Variants in ADCK1 observed in about 807,000 individuals in gnomAD.
ADCK1 encodes the protein aarF domain-containing protein kinase 1.
ADCK1 carries 41 observed loss-of-function variants against 52.3 expected under a neutral mutation model. The observed-to-expected ratio is 0.78, with a 90% CI of 0.61 to 1.02. The LOEUF (loss-of-function observed/expected upper bound fraction) is 1.02. Ranked by LOEUF, ADCK1 falls within the 50% of genes least tolerant of loss-of-function variation. The pLI is 0.00. For missense variants in ADCK1, 658 were observed against 679.5 expected (o/e 0.97, Z 0.35); for synonymous variants, 250 against 274.6 (o/e 0.91, Z 0.89).
intron 8 of ADCK1, among the ~76,000 whole-genome samples, chr14:77,924,893 C>T (rs988351668): frequency 6.6e-6 from 1 of 152,214 alleles, no homozygotes; most frequent in Non-Finnish European, 1.5e-5. Flanking sequence ...AGCCCCAGGC[C>T]AGCAAGGATC....
chr14:77,817,933 T>TTTC (rs1311165775), intron 1 of ADCK1, among the ~76,000 whole-genome samples: 28 of 150,050 alleles, frequency 1.9e-4, no homozygotes, highest in Admixed American at 1.9e-3. Context: ...AGAGACGGGG[T>TTTC]TTCATCGTGT....
chr14:77,815,399 G>T (rs978091389), intron 1 of ADCK1, among the ~76,000 whole-genome samples: 1 of 151,488 alleles, frequency 6.6e-6, no homozygotes, highest in African/African-American at 2.4e-5. Flanking sequence ...TAGAGATGGG[G>T]TCTCCCTTTT....
intron 1 of ADCK1, among the ~76,000 whole-genome samples, chr14:77,800,986 T>G (rs911841979): frequency 2.0e-5 from 3 of 152,180 alleles, no homozygotes; most frequent in African/African-American, 7.2e-5. Flanking sequence ...TCCCAGCACT[T>G]TGGGAGGCCA....
chr14:77,880,220 T>C (rs1163095887), intron 4 of ADCK1, among the ~76,000 whole-genome samples: 1 of 152,246 alleles, frequency 6.6e-6, no homozygotes, highest in Non-Finnish European at 1.5e-5. Flanking sequence ...GTCTGACCTG[T>C]GATGCCCTTG....
intron 3 of ADCK1, among the ~76,000 whole-genome samples, chr14:77,843,131 A>C (rs1016223089): frequency 1.3e-5 from 2 of 151,958 alleles, no homozygotes; most frequent in African/African-American, 4.8e-5. Context: ...GCTTCAAGTG[A>C]TTCTCCCATC....
At chr14:77,889,926 A>T (rs2083248429) in intron 5 of ADCK1, among the ~76,000 whole-genome samples, 1 of 151,180 alleles carries the variant, frequency 6.6e-6, no homozygotes, top group Non-Finnish European at 1.5e-5. Context: ...GAAAGAAGGC[A>T]AGGAAAAAAA....
chr14:77,834,467 G>A (rs529111895), intron 3 of ADCK1, among the ~76,000 whole-genome samples: 29 of 152,188 alleles, frequency 1.9e-4, no homozygotes, highest in Admixed American at 1.3e-4. Context: ...CTCTCTTTCC[G>A]GCTCTTCTCT....
At chr14:77,885,195 C>A (rs1005993048) in intron 4 of ADCK1, among the ~76,000 whole-genome samples, 8 of 152,122 alleles carry the variant, frequency 5.3e-5, no homozygotes, top group African/African-American at 1.9e-4. Flanking sequence ...AAACCCAGGC[C>A]CAAGATAAAG....
intron 3 of ADCK1, among the ~76,000 whole-genome samples, chr14:77,849,671 C>A (rs369823607): frequency 2.0e-5 from 3 of 151,918 alleles, no homozygotes; most frequent in African/African-American, 7.3e-5. Flanking sequence ...AGGCTGCTCT[C>A]GAACTCCTGG....
chr14:77,904,674 C>T (rs576726458), intron 6 of ADCK1, among the ~76,000 whole-genome samples: 20 of 152,266 alleles, frequency 1.3e-4, no homozygotes, highest in East Asian at 1.2e-3. Flanking sequence ...GATTGGCATC[C>T]GTGTGGGAGG....
chr14:77,898,340 G>A (rs977947866), intron 5 of ADCK1, among the ~76,000 whole-genome samples: 1 of 152,152 alleles, frequency 6.6e-6, no homozygotes, highest in Admixed American at 6.5e-5. Flanking sequence ...TTAGTAGTAA[G>A]TAAAGTGCTT....
At chr14:77,859,615 C>T (rs561597664) in intron 4 of ADCK1, among the ~76,000 whole-genome samples, 2 of 152,270 alleles carry the variant, frequency 1.3e-5, no homozygotes, top group South Asian at 4.1e-4. Flanking sequence ...TTTGAAGCCC[C>T]ATCCCATCTG....
At chr14:77,862,447 G>A (rs1353386551) in intron 4 of ADCK1, among the ~76,000 whole-genome samples, 1 of 152,174 alleles carries the variant, frequency 6.6e-6, no homozygotes, top group Non-Finnish European at 1.5e-5. Flanking sequence ...CTTTGTGGGG[G>A]GATCCCTGAC....
chr14:77,848,903 G>A (rs1292414418), intron 3 of ADCK1, among the ~76,000 whole-genome samples: 2 of 151,368 alleles, frequency 1.3e-5, no homozygotes, highest in African/African-American at 4.9e-5. Flanking sequence ...TCAACTCACT[G>A]CAAGCTCCGC....
intron 7 of ADCK1, chr14:77,924,232 C>T (rs2084129366): frequency 2.3e-5 from 13 of 554,124 alleles, no homozygotes; most frequent in Admixed American, 3.4e-5. Flanking sequence ...ATACTGGTGC[C>T]TTGTACCGCC....
At chr14:77,842,005 C>T (rs1475340337) in intron 3 of ADCK1, among the ~76,000 whole-genome samples, 1 of 152,040 alleles carries the variant, frequency 6.6e-6, no homozygotes, top group Non-Finnish European at 1.5e-5. Flanking sequence ...GCAGGAAGAT[C>T]GCCTAAGCCC....
At chr14:77,805,987 CTTTTTTTTT>C (rs530925697) in intron 1 of ADCK1, among the ~76,000 whole-genome samples, 1,159 of 87,716 alleles carry the variant, frequency 0.013, 19 homozygotes, top group African/African-American at 0.046. Flanking sequence ...ATTCTTACGG[CTTTTTTTTT>C]TTTTTTTTTT....
chr14:77,902,562 C>T (rs904448899), intron 6 of ADCK1: 1 of 152,168 alleles, frequency 6.6e-6, no homozygotes, highest in African/African-American at 2.4e-5. Context: ...CTTTTATTCC[C>T]AAGCTTGTTG....
chr14:77,823,411 A>C (rs1027097647), intron 3 of ADCK1, among the ~76,000 whole-genome samples: 3 of 152,128 alleles, frequency 2.0e-5, no homozygotes, highest in African/African-American at 7.2e-5. Context: ...TGGAATAATT[A>C]ATTTCTAAAT....
Sources: allele counts gnomAD v4.1 joint callset (sites outside exome capture counted in the v4.1 genomes callset), GRCh38; gene constraint gnomAD v4.1.1; transcripts MANE v1.5; gene names NCBI Gene and HGNC (gene_info 2026-07-23, HGNC 2026-07-21).